Variants in GRXCR1 observed in about 807,000 individuals in gnomAD.
GRXCR1 encodes the protein glutaredoxin domain-containing cysteine-rich protein 1.
GRXCR1 carries 27 observed loss-of-function variants against 27.3 expected under a neutral mutation model. The observed-to-expected ratio is 0.99, with a 90% CI of 0.73 to 1.37. The LOEUF is 1.37. GRXCR1 is among the 40% of genes most tolerant of loss of function. GRXCR1 has a pLI of 0.00. For synonymous variants in GRXCR1, 122 were observed against 131.1 expected (o/e 0.93, Z 0.47); for missense variants, 379 against 354.4 (o/e 1.07, Z -0.56).
chr4:42,908,124 C>T (rs1746638656), intron 1 of GRXCR1, among the ~76,000 whole-genome samples: 1 of 152,180 alleles, frequency 6.6e-6, no homozygotes, highest in Non-Finnish European at 1.5e-5. Context: ...GTCTGCATGG[C>T]ATGATGCCTG....
intron 2 of GRXCR1, among the ~76,000 whole-genome samples, chr4:42,969,981 T>C (rs889443398): frequency 1.3e-5 from 2 of 152,034 alleles, no homozygotes; most frequent in Admixed American, 1.3e-4. Context: ...AAGGCTCCCA[T>C]TCAAAAAGGG....
At chr4:42,935,813 T>C (rs1747443218) in intron 1 of GRXCR1, among the ~76,000 whole-genome samples, 1 of 151,916 alleles carries the variant, frequency 6.6e-6, no homozygotes, top group South Asian at 2.1e-4. Context: ...AAGTCTAGTG[T>C]TCCTTCAGAT....
At chr4:42,955,689 T>C (rs13111518) in intron 1 of GRXCR1, among the ~76,000 whole-genome samples, 7,222 of 152,236 alleles carry the variant, frequency 0.047, 215 homozygotes, top group African/African-American at 0.08. Flanking sequence ...CTGCCACTGA[T>C]ATTCAAATGT....
At chr4:42,968,213 G>A (rs13145827) in intron 2 of GRXCR1, among the ~76,000 whole-genome samples, 7,117 of 152,080 alleles carry the variant, frequency 0.047, 214 homozygotes, top group African/African-American at 0.078. Context: ...CTTGGAAAAC[G>A]TGTCATGGCA....
rs763268165 is a variant in GRXCR1, at chr4:42,893,303, C to T, written c.37C>T (p.Pro13Ser). ...KREMKPESDR[P>S]RKVRFRIASS... ...GGAGATGAAGCCAGAAAGTGACAGG[C>T]CACGGAAAGTCCGGTTTCGGATCGC... Residue 13 changes from proline (P) to serine (S), a missense_variant, in exon 1 of 4, where the codon CCA becomes TCA. Coordinates refer to ENST00000399770, the MANE Select transcript of GRXCR1 (RefSeq NM_001080476.3). 2.5e-6 allele frequency: 4 copies of T among 1,613,532 alleles called. No individual in the cohort carries two copies. The highest frequency in any genetic ancestry group is 1.3e-5 in the African/African-American group (1 of 74,870).
intron 2 of GRXCR1, among the ~76,000 whole-genome samples, chr4:43,003,753 C>T (rs968663651): frequency 6.6e-6 from 1 of 152,142 alleles, no homozygotes; most frequent in South Asian, 2.1e-4. Context: ...TGCCTGGCTG[C>T]TCTTAACAGC....
intron 1 of GRXCR1, among the ~76,000 whole-genome samples, chr4:42,949,323 T>C (rs1747824262): frequency 1.8e-5 from 2 of 113,538 alleles, no homozygotes; most frequent in Non-Finnish European, 3.3e-5. Flanking sequence ...GCCACTGCAC[T>C]CCAGCCTGGC....
chr4:42,961,713 C>A (rs1336294303), intron 1 of GRXCR1, among the ~76,000 whole-genome samples: 1 of 151,904 alleles, frequency 6.6e-6, no homozygotes. Context: ...CAGAAAAATT[C>A]TCTCTCCATA....
chr4:42,995,409 C>A (rs942804703), intron 2 of GRXCR1, among the ~76,000 whole-genome samples: 1 of 152,058 alleles, frequency 6.6e-6, no homozygotes, highest in East Asian at 1.9e-4. Context: ...TAGAAATGAT[C>A]CATTTAATAT....
chr4:42,986,727 T>G (rs1711735830), intron 2 of GRXCR1, among the ~76,000 whole-genome samples: 2 of 152,172 alleles, frequency 1.3e-5, no homozygotes, highest in Non-Finnish European at 2.9e-5. Flanking sequence ...AATGTTATTT[T>G]CAGGAATTTT....
intron 2 of GRXCR1, among the ~76,000 whole-genome samples, chr4:42,972,629 T>C (rs1010609368): frequency 2.6e-5 from 4 of 152,180 alleles, no homozygotes; most frequent in African/African-American, 9.6e-5. Flanking sequence ...ATGCATTATC[T>C]CTTACTTTTG....
intron 1 of GRXCR1, among the ~76,000 whole-genome samples, chr4:42,945,690 T>G (rs17595126): frequency 0.18 from 26,796 of 152,100 alleles, 2,431 homozygotes; most frequent in South Asian, 0.28. Context: ...GGAGGGTAGA[T>G]GATGTGAAGG....
At chr4:42,895,295 A>G (rs1212147377) in intron 1 of GRXCR1, among the ~76,000 whole-genome samples, 3 of 152,154 alleles carry the variant, frequency 2.0e-5, no homozygotes, top group Non-Finnish European at 2.9e-5. Context: ...TTTTCTAATA[A>G]TTTAGCCCCA....
rs1748014504 is a variant in GRXCR1, at chr4:42,956,805, T to A, written c.385-6087T>A. Among the ~76,000 whole-genome samples the A allele has an allele frequency of 3.3e-5, 5 of 152,200 alleles. No homozygotes were observed. The South Asian group carries it at 1.0e-3, about 32-fold the overall frequency. ...TGCCTAAGTTTGTGCAGTGTGTATC[T>A]TGCACAACTACCCCCACTGGTCCTT... On this transcript the variant is annotated intron_variant, in intron 1 of 3. Transcript: ENST00000399770.
At chr4:43,000,852 A>G (rs1712333444) in intron 2 of GRXCR1, among the ~76,000 whole-genome samples, 1 of 152,064 alleles carries the variant, frequency 6.6e-6, no homozygotes, top group African/African-American at 2.4e-5. Context: ...TATATTACCA[A>G]TTCGTATATT....
intron 1 of GRXCR1, among the ~76,000 whole-genome samples, chr4:42,961,521 C>T (rs1395062840): frequency 6.6e-6 from 1 of 151,970 alleles, no homozygotes; most frequent in Non-Finnish European, 1.5e-5. Flanking sequence ...ATTGCCTAAT[C>T]TGTGTAACAT....
intron 1 of GRXCR1, among the ~76,000 whole-genome samples, chr4:42,939,111 A>G (rs73176002): frequency 0.012 from 1,806 of 152,130 alleles, 14 homozygotes; most frequent in African/African-American, 0.04. Flanking sequence ...CATTTTAACA[A>G]TGTTGATTCT....
chr4:42,960,277 G>T (rs1748102837), intron 1 of GRXCR1, among the ~76,000 whole-genome samples: 1 of 151,920 alleles, frequency 6.6e-6, no homozygotes, highest in African/African-American at 2.4e-5. Context: ...GAAAACTAAT[G>T]CAGTAATAGT....
At chr4:42,920,373 A>T (rs1376377096) in intron 1 of GRXCR1, among the ~76,000 whole-genome samples, 1 of 152,198 alleles carries the variant, frequency 6.6e-6, no homozygotes, top group African/African-American at 2.4e-5. Context: ...CAATGAGTGA[A>T]TTAATTTGCT....
Sources: allele counts gnomAD v4.1 joint callset (sites outside exome capture counted in the v4.1 genomes callset), GRCh38; gene constraint gnomAD v4.1.1; transcripts MANE v1.5; gene names NCBI Gene and HGNC (gene_info 2026-07-23, HGNC 2026-07-21).